DNAH8: variants seen among roughly 807,000 people sequenced by gnomAD.
The protein encoded by DNAH8 is dynein axonemal heavy chain 8.
A neutral mutation model predicts 562.1 loss-of-function variants in DNAH8; 382 were observed. That is an observed-to-expected ratio of 0.68 (90% CI 0.63 to 0.74). The LOEUF (loss-of-function observed/expected upper bound fraction) is 0.74, where lower values mean the gene tolerates loss of function less well. Among genes scored for constraint, DNAH8 ranks in the 30% least tolerant of loss-of-function variants. The probability of loss-of-function intolerance (pLI) is 0.00; values close to 1 mark genes in which losing one functional copy is unlikely to be tolerated. For synonymous variants in DNAH8, 1,881 were observed against 1,919.4 expected, an observed-to-expected ratio of 0.98 and a Z score of 0.52; for missense variants, 5,203 against 5,620.4, an observed-to-expected ratio of 0.93 and a Z score of 2.37.
intron 9 of DNAH8, among the ~76,000 whole-genome samples, chr6:38,752,215 G>A (rs1765523737): frequency 6.6e-6 from 1 of 151,892 alleles, no homozygotes; most frequent in South Asian, 2.1e-4. Context: ...CCAGGCTGGA[G>A]TGCAGTGGTG....
At chr6:38,994,886 C>T (rs1218400562) in intron 88 of DNAH8, among the ~76,000 whole-genome samples, 7 of 152,006 alleles carry the variant, frequency 4.6e-5, no homozygotes, top group Admixed American at 4.6e-4. Flanking sequence ...ACACGTGATC[C>T]GCCAGCCTTG....
At chr6:38,801,244 G>C (rs1464133765) in intron 21 of DNAH8, among the ~76,000 whole-genome samples, 1 of 152,082 alleles carries the variant, frequency 6.6e-6, no homozygotes, top group South Asian at 2.1e-4. Context: ...TAAGGAGAAG[G>C]TTCCGTTTCA....
chr6:38,734,353 A>C, intron 4 of DNAH8, 121 bp from the exon 5 acceptor site: 1 of 842,498 alleles, frequency 1.2e-6, no homozygotes, highest in Non-Finnish European at 1.6e-6. Flanking sequence ...TTATTCTATG[A>C]CCGTATTGAA....
At chr6:38,919,489 G>A (rs1781539534) in intron 70 of DNAH8, among the ~76,000 whole-genome samples, 1 of 152,104 alleles carries the variant, frequency 6.6e-6, no homozygotes, top group East Asian at 1.9e-4. Flanking sequence ...AGGCAGTCCC[G>A]AGTAGGCATA....
intron 27 of DNAH8, 64 bp from the exon 28 acceptor site, chr6:38,823,497 TA>T: frequency 7.8e-7 from 1 of 1,287,392 alleles, no homozygotes; most frequent in Non-Finnish European, 1.1e-6. Flanking sequence ...TGCAATTTTC[TA>T]ATGTAACTAT....
chr6:38,950,000 A>C (rs940393049), intron 81 of DNAH8, among the ~76,000 whole-genome samples: 3 of 152,228 alleles, frequency 2.0e-5, no homozygotes, highest in Non-Finnish European at 4.4e-5. Flanking sequence ...ATTGCATTCG[A>C]GAAAAAAACC....
chr6:38,924,949 C>T (rs575565922), intron 73 of DNAH8: 50 of 152,304 alleles, frequency 3.3e-4, no homozygotes, highest in African/African-American at 9.1e-4. Flanking sequence ...TGTCAATTTC[C>T]GGTATATCTT....
rs375358161 is a variant in DNAH8, at chr6:38,789,793, C to T, written c.2584-10C>T. ...ATTAAAATAAAACATGCCATTTCAACTTCCTACAGGGTCTTCTGCAATATT... is the reference window on the plus strand; with the variant it reads ...ATTAAAATAAAACATGCCATTTCAATTTCCTACAGGGTCTTCTGCAATATT... On this transcript the variant is annotated splice_polypyrimidine_tract_variant and intron_variant, in intron 18 of 92. Coordinates refer to ENST00000327475, the MANE Select transcript of DNAH8 (RefSeq NM_001206927.2). 4 of 1,587,310 alleles carry T rather than the reference C, an allele frequency of 2.5e-6. No homozygotes were observed. Among genetic ancestry groups the T allele is most frequent in the African/African-American group, 2.7e-5 (2 of 73,760 alleles).
intron 82 of DNAH8, among the ~76,000 whole-genome samples, chr6:38,971,248 C>T (rs1011819066): frequency 3.2e-4 from 48 of 152,234 alleles, no homozygotes; most frequent in African/African-American, 1.0e-3. Context: ...ATCCTTTTTC[C>T]CTACAAATAC....
At chr6:38,969,710 G>T (rs1301898911) in intron 82 of DNAH8, among the ~76,000 whole-genome samples, 2 of 145,734 alleles carry the variant, frequency 1.4e-5, no homozygotes, top group Non-Finnish European at 1.5e-5. Context: ...GGTGTGTGTG[G>T]GGGGGAGTGG....
At chr6:38,818,853 G>C (rs554179166) in intron 26 of DNAH8, among the ~76,000 whole-genome samples, 1 of 152,194 alleles carries the variant, frequency 6.6e-6, no homozygotes, top group South Asian at 2.1e-4. Context: ...ATTGCTCTGG[G>C]TCAGCTGAGG....
chr6:38,868,207 T>C lies in DNAH8; in HGVS notation c.6828+11T>C. 6.3e-7 allele frequency: 1 copy of C among 1,594,150 alleles called. No individual in the cohort carries two copies. Among genetic ancestry groups the C allele is most frequent in the Admixed American group, 1.8e-5 (1 of 54,734 alleles). On this transcript the variant is annotated intron_variant, in intron 48 of 92. Transcript: ENST00000327475. ...AACCTTTCCAAACTGGTATCTTCTC[T>C]GAATTCTCTTCTTTTCCACAATTTT...
intron 41 of DNAH8, among the ~76,000 whole-genome samples, chr6:38,854,677 C>G (rs544974224): frequency 6.6e-6 from 1 of 151,886 alleles, no homozygotes; most frequent in Non-Finnish European, 1.5e-5. Context: ...TTTCTCCAGA[C>G]CCTGTATATC....
At position 38,827,730 on chromosome 6, in the gene DNAH8, AAAC is replaced by A. The variant is rs1773469342; in HGVS notation, c.4084-453_4084-451del. ...GACTGCAAAAGCTTAATTCTTTACC[AAAC>A]TTTTTTTTTTTTTTTTTTTTTTTTT... On this transcript the variant is annotated intron_variant, in intron 29 of 92. Transcript: ENST00000327475. Among the ~76,000 whole-genome samples, 4 of 45,644 alleles carry A rather than the reference AAAC, an allele frequency of 8.8e-5. 2 individuals carry two copies. The highest frequency in any genetic ancestry group is 5.3e-4 in the Admixed American group (2 of 3,752). 29.9% of individuals were successfully genotyped at this position (45,644 alleles called of 152,430 possible).
chr6:38,875,509 T>G (rs1777927111), intron 52 of DNAH8, 82 bp from the exon 53 acceptor site: 8 of 839,742 alleles, frequency 9.5e-6, no homozygotes, highest in Non-Finnish European at 1.2e-5. Flanking sequence ...TCTTCCTTCC[T>G]CCTTTTAATT....
chr6:38,772,324 A>C (rs1678652), intron 12 of DNAH8, among the ~76,000 whole-genome samples: 3 of 151,910 alleles, frequency 2.0e-5, no homozygotes, highest in African/African-American at 7.3e-5. Flanking sequence ...CACCACGCCC[A>C]GCTGAGGTTT....
In DNAH8 at chr6:39,030,470, C is replaced by G. The variant is rs1449509160; in HGVS notation, c.*78C>G. 7.9e-7 allele frequency: 1 copy of G among 1,265,034 alleles called. No individual in the cohort carries two copies. Among genetic ancestry groups the G allele is most frequent in the African/African-American group, 1.5e-5 (1 of 67,114 alleles). 78.4% of individuals were successfully genotyped at this position (1,265,034 alleles called of 1,614,324 possible). A position where few individuals can be genotyped will look rare whatever the true frequency, so the allele number is the denominator to read the frequency against. On this transcript the variant is annotated 3_prime_UTR_variant, in exon 93 of 93. Coordinates refer to ENST00000327475, the MANE Select transcript of DNAH8 (RefSeq NM_001206927.2). The stretch of plus-strand genomic sequence containing the variant: ...TTGAGGGACTCAGTGATGTGTGTGT[C>G]TTTTCTCCCCAGTAATTCCTTAATT...
At position 38,848,681 on chromosome 6, in the gene DNAH8, T is replaced by G. The variant is rs1775497404; in HGVS notation, c.5079T>G (p.Asn1693Lys). ...YNAPFKKNIQ[N>K]WVYKLSTSSD... is the part of the protein sequence containing the mutation. The stretch of plus-strand genomic sequence containing the variant: ...CTCCATTTAAAAAAAATATCCAGAA[T>G]TGGGTGTATAAATTGTCCACTTCCT... The change falls in exon 37 of 93, where the codon AAT becomes AAG. Residue 1693 changes from asparagine to lysine, a missense_variant. Physicochemically the swap from Asn to Lys is moderately conservative, Grantham distance 94. Around this residue, in one of 6 missense-constraint regions of DNAH8, gnomAD observed 2,176 missense variants for 2,365.1 expected, o/e 0.92. Transcript: ENST00000327475. 1.2e-6 allele frequency: 2 copies of G among 1,611,650 alleles called. No homozygotes were observed. The highest frequency in any genetic ancestry group is 1.7e-6 in the Non-Finnish European group (2 of 1,178,030).
chr6:38,923,094 A>G lies in DNAH8; in HGVS notation c.10699A>G (p.Met3567Val), dbSNP rs1420392701. 3.1e-6 allele frequency: 5 copies of G among 1,613,750 alleles called. No homozygotes were observed. Among genetic ancestry groups the G allele is most frequent in the Non-Finnish European group, 4.2e-6 (5 of 1,179,790 alleles). Reference sequence around the variant, plus strand: ...TGACGCTGATACGTGCCGGAAAAAGATGCAGGCCGCCTCCACTCTCATCGA... The same window carrying G: ...TGACGCTGATACGTGCCGGAAAAAGGTGCAGGCCGCCTCCACTCTCATCGA... ...LNDADTCRKKMQAASTLIDGL... is the reference protein window; with the variant it reads ...LNDADTCRKKVQAASTLIDGL... The change falls in exon 72 of 93, where the codon ATG becomes GTG. Residue 3567 changes from methionine (M) to valine (V), a missense_variant. Met to Val is a conservative substitution (Grantham distance 21). Around this residue, in one of 6 missense-constraint regions of DNAH8, gnomAD observed 1,399 missense variants for 1,518.4 expected, o/e 0.92. Transcript: ENST00000327475.
Sources: gnomAD v4.1 joint callset for allele counts (sites outside exome capture counted in the v4.1 genomes callset) on GRCh38, gnomAD v4.1.1 for gene constraint, gnomAD v4.1.1 regional missense constraint, MANE v1.5 for transcripts, NCBI Gene and HGNC (gene_info 2026-07-23, HGNC 2026-07-21) for gene names.